Variants in DLGAP1 observed in about 807,000 individuals in gnomAD.
DLGAP1 encodes disks large-associated protein 1.
A neutral mutation model predicts 90.8 loss-of-function variants in DLGAP1; 11 were observed. That is an observed-to-expected ratio of 0.12 (90% confidence interval 0.08 to 0.20). The LOEUF (loss-of-function observed/expected upper bound fraction) is 0.20, where lower values mean the gene tolerates loss of function less well. Among genes scored for constraint, DLGAP1 ranks in the 10% least tolerant of loss-of-function variants. The pLI is 1.00. For synonymous variants in DLGAP1, 558 were observed against 540.7 expected (o/e 1.03, Z -0.44); for missense variants, 1,050 against 1,333.8 (o/e 0.79, Z 3.31).
Position 4,443,358 on chromosome 18 carries a change from G to A in DLGAP1, c.-267+11648C>T, listed in dbSNP as rs562118834. On this transcript the variant is annotated intron_variant, in intron 1 of 12. Coordinates refer to ENST00000315677, the MANE Select transcript of DLGAP1 (RefSeq NM_004746.4). The stretch of plus-strand genomic sequence containing the variant: ...GGATCAAGGCACACTCATGCAGGAG[G>A]AGCTGCTGATGGCTGAGCATCATCT... 6.6e-5 allele frequency among the ~76,000 whole-genome samples: 10 copies of A among 152,284 alleles called. No homozygotes were observed. In the East Asian group the frequency reaches 1.2e-3, roughly 18 times the overall value.
At chr18:3,861,351 C>T (rs1357572350) in intron 4 of DLGAP1, among the ~76,000 whole-genome samples, 1 of 152,158 alleles carries the variant, frequency 6.6e-6, no homozygotes, top group Non-Finnish European at 1.5e-5. Flanking sequence ...GAAGGAAAGC[C>T]ATCAATTTTA....
chr18:4,056,099 A>G (rs968631252), intron 2 of DLGAP1, among the ~76,000 whole-genome samples: 5 of 152,214 alleles, frequency 3.3e-5, no homozygotes, highest in Non-Finnish European at 7.3e-5. Flanking sequence ...GCTGTCATGA[A>G]GCAAACACTG....
At chr18:3,924,388 C>A (rs2072334724) in intron 3 of DLGAP1, among the ~76,000 whole-genome samples, 1 of 152,194 alleles carries the variant, frequency 6.6e-6, no homozygotes, top group African/African-American at 2.4e-5. Context: ...CACTTCCTCC[C>A]CCACTGCCAC....
intron 7 of DLGAP1, chr18:3,656,274 T>TGA: frequency 3.5e-6 from 2 of 578,120 alleles, no homozygotes; most frequent in Non-Finnish European, 5.8e-6. Flanking sequence ...AAATAATTTT[T>TGA]AGTCTTAACT....
chr18:4,327,290 G>A (rs915781636), intron 1 of DLGAP1, among the ~76,000 whole-genome samples: 3 of 151,694 alleles, frequency 2.0e-5, no homozygotes, highest in African/African-American at 4.8e-5. Flanking sequence ...CATTACACAA[G>A]GTACACATAT....
chr18:3,779,038 C>T (rs1264771839), intron 5 of DLGAP1, among the ~76,000 whole-genome samples: 3 of 152,134 alleles, frequency 2.0e-5, no homozygotes, highest in Admixed American at 6.5e-5. Flanking sequence ...CAAAGACCAC[C>T]GTTCCTTTTC....
At chr18:3,914,727 CTA>C (rs1366650814) in intron 3 of DLGAP1, among the ~76,000 whole-genome samples, 2 of 152,016 alleles carry the variant, frequency 1.3e-5, no homozygotes, top group Non-Finnish European at 2.9e-5. Context: ...CCAGTATTTG[CTA>C]TCTTTCATTC....
intron 1 of DLGAP1, among the ~76,000 whole-genome samples, chr18:4,281,337 G>A (rs1487722285): frequency 6.6e-6 from 1 of 152,072 alleles, no homozygotes; most frequent in Non-Finnish European, 1.5e-5. Context: ...GATCACCTGA[G>A]GAAAGGAGTT....
intron 1 of DLGAP1, among the ~76,000 whole-genome samples, chr18:4,272,780 T>C (rs570687046): frequency 5.1e-4 from 77 of 152,358 alleles, no homozygotes; most frequent in Non-Finnish European, 9.1e-4. Flanking sequence ...AACCTGTGAA[T>C]GTGACCTTGT....
chr18:3,662,922 A>G (rs1160993798), intron 7 of DLGAP1, among the ~76,000 whole-genome samples: 1 of 152,234 alleles, frequency 6.6e-6, no homozygotes, highest in Non-Finnish European at 1.5e-5. Flanking sequence ...GAAATTGTAT[A>G]AGACAACAGC....
chr18:4,056,646 T>C (rs1029365085), intron 2 of DLGAP1, among the ~76,000 whole-genome samples: 9 of 152,170 alleles, frequency 5.9e-5, no homozygotes, highest in African/African-American at 2.2e-4. Context: ...AAGTAAGTCC[T>C]GTCCTCTCAG....
intron 9 of DLGAP1, among the ~76,000 whole-genome samples, chr18:3,551,585 C>A: frequency 8.8e-6 from 1 of 113,526 alleles, no homozygotes; most frequent in Admixed American, 8.6e-5. Flanking sequence ...CTTTTCTTTT[C>A]TTTCTTTCTT....
At chr18:4,090,051 A>C (rs9958154) in intron 2 of DLGAP1, among the ~76,000 whole-genome samples, 1 of 152,090 alleles carries the variant, frequency 6.6e-6, no homozygotes, top group Non-Finnish European at 1.5e-5. Context: ...TCTAAAAAAA[A>C]AGAAAGAAAC....
At chr18:4,307,424 A>G (rs1214739690) in intron 1 of DLGAP1, among the ~76,000 whole-genome samples, 3 of 152,118 alleles carry the variant, frequency 2.0e-5, no homozygotes, top group Non-Finnish European at 2.9e-5. Flanking sequence ...TGATTTATTC[A>G]TTTGGTAAAT....
At chr18:3,985,253 T>C (rs1409028258) in intron 3 of DLGAP1, among the ~76,000 whole-genome samples, 1 of 152,206 alleles carries the variant, frequency 6.6e-6, no homozygotes, top group East Asian at 1.9e-4. Context: ...ATTTATGTTA[T>C]TGCTTTCAGT....
chr18:3,658,747 A>G (rs2059583312), intron 7 of DLGAP1, among the ~76,000 whole-genome samples: 1 of 152,228 alleles, frequency 6.6e-6, no homozygotes, highest in African/African-American at 2.4e-5. Flanking sequence ...GAATTCTTAT[A>G]TACATCAGAA....
intron 7 of DLGAP1, among the ~76,000 whole-genome samples, chr18:3,649,765 G>A (rs2059231256): frequency 6.6e-6 from 1 of 151,826 alleles, no homozygotes; most frequent in African/African-American, 2.4e-5. Flanking sequence ...GGAGGAGGGA[G>A]AGGGAAACAA....
At chr18:4,416,768 A>G (rs1357536584) in intron 1 of DLGAP1, among the ~76,000 whole-genome samples, 1 of 152,208 alleles carries the variant, frequency 6.6e-6, no homozygotes, top group Non-Finnish European at 1.5e-5. Flanking sequence ...CTGTTTTCCA[A>G]CCCATCACAG....
intron 5 of DLGAP1, among the ~76,000 whole-genome samples, chr18:3,768,443 A>C (rs1433608388): frequency 6.6e-6 from 1 of 152,182 alleles, no homozygotes; most frequent in Non-Finnish European, 1.5e-5. Context: ...AGATATAGAC[A>C]AGATTTTTTA....
Sources: gnomAD v4.1 joint callset for allele counts (sites outside exome capture counted in the v4.1 genomes callset) on GRCh38, gnomAD v4.1.1 for gene constraint, MANE v1.5 for transcripts, NCBI Gene and HGNC (gene_info 2026-07-23, HGNC 2026-07-21) for gene names.